The following ZNF559 variants were observed in gnomAD, a reference collection of about 807,000 sequenced individuals.
The protein encoded by ZNF559 is putative protein product of Nbla00121.
A neutral mutation model predicts 14.2 loss-of-function variants in ZNF559; 17 were observed. The ratio of observed to expected loss-of-function variants is 1.20; its 90% CI spans 0.82 to 1.80. The LOEUF (loss-of-function observed/expected upper bound fraction) is 1.80, where lower values mean the gene tolerates loss of function less well. ZNF559 is among the 40% of genes most tolerant of loss of function. The probability of loss-of-function intolerance (pLI) is 0.00; values close to 1 mark genes in which losing one functional copy is unlikely to be tolerated. For missense variants in ZNF559, 740 were observed against 629.7 expected, an observed-to-expected ratio of 1.18 and a Z score of -1.88; for synonymous variants, 244 against 212.4, an observed-to-expected ratio of 1.15 and a Z score of -1.29.
intron 6 of ZNF559, 58 bp from the exon 7 acceptor site, chr19:9,341,637 A>G (rs1316195305): frequency 4.4e-6 from 7 of 1,603,106 alleles, no homozygotes; most frequent in Non-Finnish European, 5.9e-6. Context: ...AAAAGGGAGA[A>G]TCTCAATGAA....
chr19:9,338,469 TC>T (rs775956268), intron 3 of ZNF559, 24 bp from the exon 4 acceptor site: 26 of 1,585,710 alleles, frequency 1.6e-5, no homozygotes, highest in Non-Finnish European at 2.2e-5. Context: ...GCCTGGATTC[TC>T]AGATTTTATT....
At chr19:9,326,105 ATTTTTTTTTTTT>A (rs71183701) in intron 2 of ZNF559, among the ~76,000 whole-genome samples, 6 of 73,696 alleles carry the variant, frequency 8.1e-5, no homozygotes, top group African/African-American at 2.4e-4. Flanking sequence ...TATTCACCTG[ATTTTTTTTTTTT>A]TTTTTTTTTT....
rs1051567622 is a variant in ZNF559, at chr19:9,345,317, T to C, written c.*2249T>C. The C allele has an allele frequency of 6.6e-6, 1 of 152,212 alleles. No individual in the cohort carries two copies. Among genetic ancestry groups the C allele is most frequent in the Non-Finnish European group, 1.5e-5 (1 of 68,036 alleles). The allele number at this position is 152,212 out of a possible 1,614,324, so 9.4% of individuals were successfully genotyped here. ...ATGTGCTTCTGTTTCTTTAAATAGT[T>C]AAGAGTGGAATGATCAGATCATATG... is the stretch of plus-strand genomic sequence containing the variant. On this transcript the variant is annotated 3_prime_UTR_variant, in exon 7 of 7. Coordinates refer to ENST00000603380, the MANE Select transcript of ZNF559 (RefSeq NM_032497.3).
intron 2 of ZNF559, among the ~76,000 whole-genome samples, chr19:9,333,909 C>T (rs2067080931): frequency 6.6e-6 from 1 of 152,172 alleles, no homozygotes; most frequent in East Asian, 1.9e-4. Flanking sequence ...AAGTTTTTAT[C>T]CTCATCAATA....
rs2067694375 is a variant in ZNF559 at position 9,344,765 on chromosome 19, C to G, written c.*1697C>G. The G allele has an allele frequency of 6.6e-6, 1 of 152,156 alleles. No individual in the cohort carries two copies. Among genetic ancestry groups the G allele is most frequent in the Admixed American group, 6.6e-5 (1 of 15,266 alleles). 9.4% of individuals were successfully genotyped at this position (152,156 alleles called of 1,614,324 possible). A position where few individuals can be genotyped will look rare whatever the true frequency, so the allele number is the denominator to read the frequency against. ...ACATCACTTTCATATGCTTATGAGT[C>G]TTTGGTGAAGTGTACATTTAATGAT... On this transcript the variant is annotated 3_prime_UTR_variant, in exon 7 of 7. Coordinates refer to ENST00000603380, the MANE Select transcript of ZNF559 (RefSeq NM_032497.3).
At chr19:9,324,617 G>GA (rs1346555509) in intron 1 of ZNF559, 78 bp from the exon 2 acceptor site, 2 of 1,016,974 alleles carry the variant, frequency 2.0e-6, no homozygotes, top group African/African-American at 6.7e-5. Flanking sequence ...AACATAGGGA[G>GA]ACCCCCCCCC....
At chr19:9,340,519 A>G (rs1357528573) in intron 5 of ZNF559, among the ~76,000 whole-genome samples, 1 of 149,940 alleles carries the variant, frequency 6.7e-6, no homozygotes, top group Non-Finnish European at 1.5e-5. Context: ...GTTCACTATA[A>G]AGTCTCAATG....
At chr19:9,332,269 G>T (rs1254413347) in intron 2 of ZNF559, among the ~76,000 whole-genome samples, 2 of 151,900 alleles carry the variant, frequency 1.3e-5, no homozygotes, top group Non-Finnish European at 2.9e-5. Context: ...ATTTACATTT[G>T]AATATCAATC....
intron 2 of ZNF559, 35 bp downstream of exon 2, chr19:9,324,815 G>T: frequency 6.6e-7 from 1 of 1,517,710 alleles, no homozygotes; most frequent in East Asian, 2.4e-5. Context: ...GGCTGTGGGT[G>T]TCGGGTCTTG....
rs2067713740 is a variant in ZNF559, at chr19:9,345,803, T to A, written c.*2735T>A. The A allele has an allele frequency of 1.3e-5, 2 of 151,462 alleles. No individual in the cohort carries two copies. Among genetic ancestry groups the A allele is most frequent in the Admixed American group, 1.3e-4 (2 of 15,186 alleles). 9.4% of individuals were successfully genotyped at this position (151,462 alleles called of 1,614,324 possible). ...ATTAAACCTATTAGTGTATTTGATA[T>A]TAATACTTTATATTTAATATAATGT... On this transcript the variant is annotated 3_prime_UTR_variant, in exon 7 of 7. Coordinates refer to ENST00000603380, the MANE Select transcript of ZNF559 (RefSeq NM_032497.3).
rs756478967 is a variant in ZNF559, at chr19:9,342,149, A to ATAC, written c.698_699insTAC (p.Gln233delinsHisThr). ...TCTACAGCCCTTTTTGTACACATGC[A>ATAC]AACTCAAGATGGAGAAAAATTCTAT... On this transcript the variant is annotated protein_altering_variant, in exon 7 of 7. Transcript: ENST00000603380. 5.0e-6 allele frequency: 8 copies of ATAC among 1,613,252 alleles called. No homozygotes were observed. In the Admixed American group the frequency reaches 1.2e-4, roughly 24 times the overall value.
Position 9,342,126 on chromosome 19 carries a change from T to A in ZNF559, c.675T>A (p.Ser225=). ...HKEYVETFSH[S]TALFVHMQTQ... ...AGTATGTCGAAACCTTTTCTCATTC[T>A]ACAGCCCTTTTTGTACACATGCAAA... The change falls in exon 7 of 7, where the codon TCT becomes TCA. Residue 225 remains serine (S), a synonymous_variant. Transcript: ENST00000603380. 1 of 1,613,634 alleles carries A rather than the reference T, an allele frequency of 6.2e-7. No homozygotes were observed. Among genetic ancestry groups the A allele is most frequent in the Non-Finnish European group, 8.5e-7 (1 of 1,179,884 alleles).
intron 1 of ZNF559, 129 bp from the exon 2 acceptor site, chr19:9,324,566 G>A (rs1430358738): frequency 4.2e-6 from 5 of 1,182,988 alleles, no homozygotes; most frequent in Non-Finnish European, 5.8e-6. Context: ...GGATTGGGTA[G>A]GAGGATTACT....
rs141764541 is a variant in ZNF559, at chr19:9,337,333, A to G, written c.-119-463A>G. 4.4e-4 allele frequency among the ~76,000 whole-genome samples: 67 copies of G among 152,378 alleles called. 1 individual carries two copies. The highest frequency in any genetic ancestry group is 1.5e-3 in the African/African-American group (64 of 41,590). On this transcript the variant is annotated intron_variant, in intron 2 of 6. Coordinates refer to ENST00000603380, the MANE Select transcript of ZNF559 (RefSeq NM_032497.3). ...TAGTTTGGCTCAATAGCTCAACCAT[A>G]GAAAAATATACACTTACCAGGGAAG...
At position 9,344,778 on chromosome 19, in the gene ZNF559, T is replaced by TA. The variant is rs1292408376; in HGVS notation, c.*1711dup. On this transcript the variant is annotated 3_prime_UTR_variant, in exon 7 of 7. Transcript: ENST00000603380. ...ATGCTTATGAGTCTTTGGTGAAGTG[T>TA]ACATTTAATGATCTTTTTTCACTGT... 1 of 152,250 alleles carries TA rather than the reference T, an allele frequency of 6.6e-6. No homozygotes were observed. The highest frequency in any genetic ancestry group is 1.5e-5 in the Non-Finnish European group (1 of 68,050). The allele number at this position is 152,250 out of a possible 1,614,324, so 9.4% of individuals were successfully genotyped here.
Position 9,324,800 on chromosome 19 carries a change from G to C in ZNF559, c.-120+20G>C. 1 of 1,532,874 alleles carries C rather than the reference G, an allele frequency of 6.5e-7. No homozygotes were observed. Among genetic ancestry groups the C allele is most frequent in the Admixed American group, 2.0e-5 (1 of 50,874 alleles). The allele number at this position is 1,532,874 out of a possible 1,614,324, so 95.0% of individuals were successfully genotyped here. Reference sequence around the variant, plus strand: ...GTCCCGGTGAGCACTTCATGCACTTGTTCTGGCTGTGGGTGTCGGGTCTTG... The same window carrying C: ...GTCCCGGTGAGCACTTCATGCACTTCTTCTGGCTGTGGGTGTCGGGTCTTG... On this transcript the variant is annotated intron_variant, in intron 2 of 6. Coordinates refer to ENST00000603380, the MANE Select transcript of ZNF559 (RefSeq NM_032497.3).
intron 2 of ZNF559, among the ~76,000 whole-genome samples, chr19:9,326,105 ATTTTTTTT>A (rs71183701): frequency 2.7e-5 from 2 of 73,696 alleles, no homozygotes; most frequent in East Asian, 5.4e-4. Flanking sequence ...TATTCACCTG[ATTTTTTTT>A]TTTTTTTTTT....
Position 9,335,670 on chromosome 19 carries a change from C to T in ZNF559, c.-119-2126C>T, listed in dbSNP as rs2067198552. Among the ~76,000 whole-genome samples the T allele has an allele frequency of 2.0e-5, 3 of 152,266 alleles. No homozygotes were observed. In the South Asian group the frequency reaches 6.2e-4, roughly 32 times the overall value. ...TCAAGCCACCTTCCCACGTAGCTGG[C>T]ACTACAGACACGTACCACCACACCT... is the stretch of plus-strand genomic sequence containing the variant. On this transcript the variant is annotated intron_variant, in intron 2 of 6. Transcript: ENST00000603380.
intron 4 of ZNF559, 52 bp downstream of exon 4, chr19:9,338,634 T>A (rs1157664089): frequency 7.2e-7 from 1 of 1,388,472 alleles, no homozygotes; most frequent in East Asian, 2.3e-5. Context: ...TCCTACCATG[T>A]AGATGTGTTT....
Sources: allele counts gnomAD v4.1 joint callset (sites outside exome capture counted in the v4.1 genomes callset), GRCh38; gene constraint gnomAD v4.1.1; transcripts MANE v1.5; gene names NCBI Gene and HGNC (gene_info 2026-07-23, HGNC 2026-07-21).